The following DHRS4 variants were observed in gnomAD, a reference collection of about 807,000 sequenced individuals.
DHRS4 encodes dehydrogenase/reductase SDR family member 4.
In DHRS4, 20 loss-of-function variants were observed where a neutral mutation model predicts 28.4. The observed-to-expected ratio is 0.71, with a 90% CI of 0.50 to 1.02. The LOEUF is 1.02. DHRS4 is among the 50% of genes least tolerant of loss of function. The pLI, the probability that DHRS4 is intolerant of heterozygous loss-of-function variation, is 0.00. For missense variants in DHRS4, 378 were observed against 367.2 expected (o/e 1.03, Z -0.24); for synonymous variants, 144 against 146.4 (o/e 0.98, Z 0.12).
intron 2 of DHRS4, among the ~76,000 whole-genome samples, chr14:23,956,562 C>A (rs1368326910): frequency 6.7e-6 from 1 of 148,482 alleles, no homozygotes; most frequent in African/African-American, 2.5e-5. Flanking sequence ...GGGGAAGGGG[C>A]TGCATTGGAA....
chr14:23,963,989 T>C (rs1208105420), intron 3 of DHRS4, among the ~76,000 whole-genome samples: 1 of 151,154 alleles, frequency 6.6e-6, no homozygotes, highest in Non-Finnish European at 1.5e-5. Flanking sequence ...ACACACAACA[T>C]TTTTCGATTA....
At chr14:23,956,607 T>C (rs912317626) in intron 2 of DHRS4, among the ~76,000 whole-genome samples, 1 of 149,546 alleles carries the variant, frequency 6.7e-6, no homozygotes, top group Non-Finnish European at 1.5e-5. Flanking sequence ...TCCTTTTTTT[T>C]TTTTTTTTTT....
At chr14:23,961,408 A>G (rs4982825) in intron 3 of DHRS4, among the ~76,000 whole-genome samples, 9,989 of 104,736 alleles carry the variant, frequency 0.095, 1,108 homozygotes, top group African/African-American at 0.37. Flanking sequence ...AACTATCATC[A>G]AAATAACTTC....
intron 1 of DHRS4, 117 bp from the exon 2 acceptor site, chr14:23,954,918 G>A (rs1463815486): frequency 3.3e-6 from 5 of 1,521,248 alleles, no homozygotes; most frequent in Non-Finnish European, 2.7e-6. Flanking sequence ...GCACACGTAG[G>A]GGTTATATAG....
Position 23,955,094 on chromosome 14 carries a change from G to T in DHRS4, c.188G>T (p.Ser63Ile). 6.2e-7 allele frequency: 1 copy of T among 1,614,188 alleles called. No individual in the cohort carries two copies. Among genetic ancestry groups the T allele is most frequent in the Non-Finnish European group, 8.5e-7 (1 of 1,180,006 alleles). Residue 63 changes from serine (S) to isoleucine (I), a missense_variant, in exon 2 of 8, where the codon AGC (serine) becomes ATC (isoleucine). By Grantham distance (142) the Ser-to-Ile change is moderately radical. Coordinates refer to ENST00000313250, the MANE Select transcript of DHRS4 (RefSeq NM_021004.4). ...GACGGGGCCCATGTGGTCGTCAGCA[G>T]CCGGAAGCAGCAGAATGTGGACCAG... ...AQDGAHVVVS[S>I]RKQQNVDQAV... is the part of the protein sequence containing the mutation.
intron 2 of DHRS4, among the ~76,000 whole-genome samples, chr14:23,955,866 C>T (rs2033117678): frequency 6.6e-6 from 1 of 152,310 alleles, no homozygotes; most frequent in African/African-American, 2.4e-5. Flanking sequence ...TAGTGGACAC[C>T]AGCCTTGCAG....
At chr14:23,960,912 T>C (rs1439183370) in intron 3 of DHRS4, among the ~76,000 whole-genome samples, 3 of 151,290 alleles carry the variant, frequency 2.0e-5, no homozygotes, top group African/African-American at 7.4e-5. Flanking sequence ...CTTACAATCA[T>C]GGCAGAAGGA....
In DHRS4 at chr14:23,966,284, G is replaced by A. The variant is rs201751120; in HGVS notation, c.533G>A (p.Gly178Asp). 3.8e-5 allele frequency: 61 copies of A among 1,612,646 alleles called. No individual in the cohort carries two copies. In the African/African-American group the frequency reaches 7.8e-4, roughly 20 times the overall value. The change falls in exon 6 of 8, where the codon GGC (glycine) becomes GAC (aspartate). Residue 178 changes from glycine (G) to aspartate (D), a missense_variant and splice_region_variant. Physicochemically the swap from Gly to Asp is moderately conservative, Grantham distance 94. Coordinates refer to ENST00000313250, the MANE Select transcript of DHRS4 (RefSeq NM_021004.4). The stretch of plus-strand genomic sequence containing the variant: ...TAACACATTCTCTTCTTTCTCCAGG[G>A]CTTCAGTCCTTACAATGTCAGTAAA... ...SSIAAFSPSP[G>D]FSPYNVSKTA...
intron 3 of DHRS4, 42 bp downstream of exon 3, chr14:23,960,045 G>A: frequency 6.4e-7 from 1 of 1,571,422 alleles, no homozygotes; most frequent in Non-Finnish European, 8.7e-7. Flanking sequence ...GGGGCGCCTT[G>A]GAACACATTC....
chr14:23,958,551 T>C (rs73600731), intron 2 of DHRS4, among the ~76,000 whole-genome samples: 3 of 152,178 alleles, frequency 2.0e-5, no homozygotes, highest in Admixed American at 1.3e-4. Flanking sequence ...GTTGCCTTTC[T>C]TCGCCTTCTC....
At chr14:23,963,681 C>T (rs1463399500) in intron 3 of DHRS4, among the ~76,000 whole-genome samples, 1 of 146,876 alleles carries the variant, frequency 6.8e-6, no homozygotes, top group Non-Finnish European at 1.5e-5. Context: ...TTTATATGTT[C>T]AGAGAAGTAG....
At chr14:23,955,284 T>C (rs1253862676) in intron 2 of DHRS4, 72 bp downstream of exon 2, 1 of 1,510,204 alleles carries the variant, frequency 6.6e-7, no homozygotes, top group Non-Finnish European at 8.9e-7. Flanking sequence ...CTTCCCTGCT[T>C]TCCTAGACAG....
At chr14:23,968,670 T>C in intron 7 of DHRS4, 87 bp from the exon 8 acceptor site, 6 of 1,556,150 alleles carry the variant, frequency 3.9e-6, no homozygotes, top group Non-Finnish European at 5.2e-6. Context: ...TAATTCTTGA[T>C]TAAGCAAATT....
At chr14:23,967,172 GA>G (rs33966071) in intron 6 of DHRS4, 38 bp from the exon 7 acceptor site, 505,013 of 1,500,572 alleles carry the variant, frequency 0.34, 81,105 homozygotes, top group East Asian at 0.46. Flanking sequence ...AAAAGAAAAA[GA>G]AAAAAAAAAC....
At chr14:23,966,440 T>C (rs779803500) in intron 6 of DHRS4, 23 bp downstream of exon 6, 15 of 1,613,116 alleles carry the variant, frequency 9.3e-6, no homozygotes, top group African/African-American at 4.0e-5. Flanking sequence ...AGCTTTGCAT[T>C]TGACTGGGAC....
rs374151392 is a variant in DHRS4 at position 23,955,051 on chromosome 14, G to T, written c.145G>T (p.Ala49Ser). The T allele has an allele frequency of 1.2e-5, 19 of 1,614,158 alleles. No individual in the cohort carries two copies. The highest frequency in any genetic ancestry group is 1.5e-5 in the Non-Finnish European group (18 of 1,179,988). ...ASTDGIGFAI[A>S]RRLAQDGAHV... ...TGCTCACAGGATCGGCTTCGCCATC[G>T]CCCGGCGTTTGGCCCAGGACGGGGC... The change falls in exon 2 of 8, where the codon GCC (alanine) becomes TCC (serine). Residue 49 changes from alanine (A) to serine (S), a missense_variant. Coordinates refer to ENST00000313250, the MANE Select transcript of DHRS4 (RefSeq NM_021004.4).
rs376316286 is a variant in DHRS4, at chr14:23,959,890, C to T, written c.307-12C>T. 42 of 1,612,422 alleles carry T rather than the reference C, an allele frequency of 2.6e-5. No homozygotes were observed. Among genetic ancestry groups the T allele is most frequent in the Non-Finnish European group, 3.1e-5 (37 of 1,179,382 alleles). ...ACTGCAGCCCTGGTCCAGAACTTACCCCTCTCTCTAGGCTGTGAAGCTTCA... is the reference window on the plus strand; with the variant it reads ...ACTGCAGCCCTGGTCCAGAACTTACTCCTCTCTCTAGGCTGTGAAGCTTCA... On this transcript the variant is annotated splice_polypyrimidine_tract_variant and intron_variant, in intron 2 of 7. Transcript: ENST00000313250.
chr14:23,956,848 C>A (rs1054749217), intron 2 of DHRS4, among the ~76,000 whole-genome samples: 1 of 152,120 alleles, frequency 6.6e-6, no homozygotes, highest in Non-Finnish European at 1.5e-5. Context: ...AGGTGATCCA[C>A]CCCCTCGGCC....
Position 23,968,953 on chromosome 14 carries a change from C to T in DHRS4, c.*82C>T. On this transcript the variant is annotated 3_prime_UTR_variant, in exon 8 of 8. Transcript: ENST00000313250. ...GCATTCACCCACTGGCCTTTCCCAC[C>T]TCTGCTCACCTTACTGTTCACCTCA... 1 of 1,548,764 alleles carries T rather than the reference C, an allele frequency of 6.5e-7. No homozygotes were observed.
Sources: allele counts gnomAD v4.1 joint callset (sites outside exome capture counted in the v4.1 genomes callset), GRCh38; gene constraint gnomAD v4.1.1; transcripts MANE v1.5; gene names NCBI Gene and HGNC (gene_info 2026-07-23, HGNC 2026-07-21).